XYLT1: variants seen among roughly 807,000 people sequenced by gnomAD.
XYLT1 encodes the protein beta-D-xylosyltransferase 1.
A neutral mutation model predicts 91.3 loss-of-function variants in XYLT1; 36 were observed. That is an observed-to-expected ratio of 0.39 (90% confidence interval 0.30 to 0.52). XYLT1 has a LOEUF of 0.52. XYLT1 is among the 20% of genes least tolerant of loss of function. XYLT1 has a pLI of 0.68. For missense variants in XYLT1, 1,242 were observed against 1,284.5 expected, an observed-to-expected ratio of 0.97 and a Z score of 0.51; for synonymous variants, 588 against 532.0, an observed-to-expected ratio of 1.11 and a Z score of -1.45.
intron 10 of XYLT1, among the ~76,000 whole-genome samples, chr16:17,120,855 T>G (rs761786717): frequency 6.6e-6 from 1 of 152,248 alleles, no homozygotes; most frequent in South Asian, 2.1e-4. Context: ...CTATTGTCTA[T>G]TGATCGATCA....
chr16:17,161,582 G>A (rs1347462674), intron 5 of XYLT1, among the ~76,000 whole-genome samples: 2 of 152,104 alleles, frequency 1.3e-5, no homozygotes, highest in African/African-American at 2.4e-5. Flanking sequence ...GCTTTCAGAC[G>A]CCTGTCGATA....
At chr16:17,331,308 G>C (rs2034896194) in intron 2 of XYLT1, among the ~76,000 whole-genome samples, 1 of 152,234 alleles carries the variant, frequency 6.6e-6, no homozygotes, top group African/African-American at 2.4e-5. Context: ...CTTGGACAGT[G>C]GCGTCAGAAC....
intron 8 of XYLT1, 127 bp downstream of exon 8, chr16:17,138,228 T>A (rs1204950937): frequency 3.7e-4 from 1 of 2,668 alleles, no homozygotes; most frequent in African/African-American, 0.014. Flanking sequence ...TTAACTATTA[T>A]TAATTATCAA....
At chr16:17,317,185 A>G (rs1170671632) in intron 2 of XYLT1, among the ~76,000 whole-genome samples, 1 of 152,022 alleles carries the variant, frequency 6.6e-6, no homozygotes, top group Non-Finnish European at 1.5e-5. Flanking sequence ...TTCCCCATCT[A>G]GGTGTTTGCC....
intron 10 of XYLT1, among the ~76,000 whole-genome samples, chr16:17,124,087 C>T (rs911415239): frequency 2.6e-5 from 4 of 152,258 alleles, no homozygotes; most frequent in Admixed American, 2.6e-4. Context: ...CTTATCCGTT[C>T]TGTATCTTTT....
intron 11 of XYLT1, among the ~76,000 whole-genome samples, chr16:17,112,514 G>T (rs867351627): frequency 6.6e-6 from 1 of 152,228 alleles, no homozygotes; most frequent in South Asian, 2.1e-4. Context: ...TGGCGTGGGG[G>T]TGTGTTCAGG....
chr16:17,470,770 C>A lies in XYLT1; in HGVS notation c.27G>T (p.Arg9Ser). Residue 9 changes from arginine (R) to serine (S), a missense_variant, in exon 1 of 12, where the codon AGG becomes AGT. Coordinates refer to ENST00000261381, the MANE Select transcript of XYLT1 (RefSeq NM_022166.4). MVAAPCARRLARRSHSALL... is the reference protein window; with the variant it reads MVAAPCARSLARRSHSALL... ...GCGCCGAGTGCGAGCGCCGGGCCAG[C>A]CTCCGGGCGCACGGCGCCGCCACCA... is the stretch of plus-strand genomic sequence containing the variant. The A allele has an allele frequency of 9.5e-7, 1 of 1,052,200 alleles. No homozygotes were observed. Among genetic ancestry groups the A allele is most frequent in the Non-Finnish European group, 1.1e-6 (1 of 870,060 alleles). The allele number at this position is 1,052,200 out of a possible 1,614,324, so 65.2% of individuals were successfully genotyped here.
intron 3 of XYLT1, among the ~76,000 whole-genome samples, chr16:17,237,227 T>C (rs1422792517): frequency 2.0e-5 from 3 of 152,222 alleles, no homozygotes; most frequent in African/African-American, 4.8e-5. Flanking sequence ...AATTATTACA[T>C]TATTATTATT....
intron 2 of XYLT1, among the ~76,000 whole-genome samples, chr16:17,268,667 CTTTT>C (rs56389780): frequency 7.2e-6 from 1 of 138,036 alleles, no homozygotes; most frequent in Non-Finnish European, 1.6e-5. Context: ...GTGATAAATA[CTTTT>C]TTTTTTTTTT....
chr16:17,325,111 G>A (rs1391824194), intron 2 of XYLT1, among the ~76,000 whole-genome samples: 4 of 151,996 alleles, frequency 2.6e-5, no homozygotes, highest in East Asian at 3.9e-4. Flanking sequence ...TACTCTGGGC[G>A]GGGGTGCCGG....
intron 2 of XYLT1, 95 bp downstream of exon 2, chr16:17,357,917 G>T: frequency 7.3e-7 from 1 of 1,368,818 alleles, no homozygotes; most frequent in Non-Finnish European, 1.0e-6. Flanking sequence ...GGGCAGCCAT[G>T]GGCCTGTCCA....
At chr16:17,403,704 G>T (rs2035995615) in intron 1 of XYLT1, among the ~76,000 whole-genome samples, 6 of 152,172 alleles carry the variant, frequency 3.9e-5, no homozygotes, top group Admixed American at 3.9e-4. Context: ...AGAGACTTGG[G>T]TGTGAACATA....
intron 3 of XYLT1, among the ~76,000 whole-genome samples, chr16:17,228,568 T>C (rs986147507): frequency 2.6e-5 from 4 of 152,170 alleles, no homozygotes; most frequent in African/African-American, 9.7e-5. Flanking sequence ...AAGCTCCATG[T>C]CCTCATCAGC....
At chr16:17,129,429 T>G (rs1386748349) in intron 9 of XYLT1, among the ~76,000 whole-genome samples, 1 of 152,050 alleles carries the variant, frequency 6.6e-6, no homozygotes. Context: ...GCCCGGCTAA[T>G]TTTTGTATTT....
chr16:17,323,435 C>T (rs2034754264), intron 2 of XYLT1, among the ~76,000 whole-genome samples: 1 of 152,208 alleles, frequency 6.6e-6, no homozygotes. Flanking sequence ...CCACTCTCCC[C>T]ACTCCAGCAG....
intron 1 of XYLT1, among the ~76,000 whole-genome samples, chr16:17,398,517 T>C (rs575430712): frequency 1.3e-4 from 20 of 152,172 alleles, no homozygotes; most frequent in Non-Finnish European, 2.6e-4. Context: ...GGGTGAACCA[T>C]GGCCCTTGGA....
At chr16:17,285,882 G>C (rs1431186086) in intron 2 of XYLT1, among the ~76,000 whole-genome samples, 2 of 26,936 alleles carry the variant, frequency 7.4e-5, no homozygotes, top group Admixed American at 5.1e-4. Context: ...CTCTGTGTGT[G>C]TGTGTGTGTG....
At chr16:17,138,248 T>G in intron 8 of XYLT1, 107 bp downstream of exon 8, 1 of 1,343,690 alleles carries the variant, frequency 7.4e-7, no homozygotes, top group Non-Finnish European at 1.0e-6. Context: ...ACAGCCAGGT[T>G]TGGGCACCAT....
intron 3 of XYLT1, among the ~76,000 whole-genome samples, chr16:17,212,575 C>G (rs1452198731): frequency 1.3e-5 from 2 of 152,152 alleles, no homozygotes; most frequent in African/African-American, 4.8e-5. Flanking sequence ...AGACTGAAGG[C>G]TACCTCATTC....
Sources: gnomAD v4.1 joint callset for allele counts (sites outside exome capture counted in the v4.1 genomes callset) on GRCh38, gnomAD v4.1.1 for gene constraint, MANE v1.5 for transcripts, NCBI Gene and HGNC (gene_info 2026-07-23, HGNC 2026-07-21) for gene names.